Variants in TCF3 observed in about 807,000 individuals in gnomAD.
TCF3 encodes the protein transcription factor 3.
TCF3 carries 54 observed loss-of-function variants against 72.3 expected under a neutral mutation model. The observed-to-expected ratio is 0.75, with a 90% CI of 0.60 to 0.94. TCF3 has a LOEUF of 0.94. TCF3 is among the 40% of genes least tolerant of loss of function. TCF3 has a pLI of 0.00. For missense variants in TCF3, 1,078 were observed against 934.4 expected, an observed-to-expected ratio of 1.15 and a Z score of -2.00; for synonymous variants, 525 against 412.6, an observed-to-expected ratio of 1.27 and a Z score of -3.30.
chr19:1,633,682 G>C (rs2064015548), intron 3 of TCF3, among the ~76,000 whole-genome samples: 1 of 152,150 alleles, frequency 6.6e-6, no homozygotes, highest in Non-Finnish European at 1.5e-5. Context: ...ATTATGAGTG[G>C]GGGGCTGGGA....
At chr19:1,642,449 AGAG>A (rs2065475106) in intron 3 of TCF3, among the ~76,000 whole-genome samples, 1 of 152,196 alleles carries the variant, frequency 6.6e-6, no homozygotes, top group Non-Finnish European at 1.5e-5. Flanking sequence ...TGGCTAGGTG[AGAG>A]GAGAACACTC....
intron 3 of TCF3, among the ~76,000 whole-genome samples, chr19:1,636,935 G>A (rs1475908840): frequency 6.6e-6 from 1 of 152,206 alleles, no homozygotes; most frequent in African/African-American, 2.4e-5. Context: ...TGTGAGTGGA[G>A]ACCACACACC....
chr19:1,622,207 G>A lies in TCF3; in HGVS notation c.669C>T (p.Pro223=). The A allele has an allele frequency of 1.9e-6, 3 of 1,556,434 alleles. No individual in the cohort carries two copies. Among genetic ancestry groups the A allele is most frequent in the South Asian group, 1.2e-5 (1 of 84,178 alleles). ...CCGGGGGACTCCAGAGCTCGGCTGA[G>A]GGGTGCAGGCTGCCATCTGTGGAGG... ...PFYVADGSLH[P]SAELWSPPGQ... The change falls in exon 10 of 19, where the codon CCC becomes CCT. Residue 223 remains proline, a synonymous_variant. Coordinates refer to ENST00000262965, the MANE Select transcript of TCF3 (RefSeq NM_003200.5).
At chr19:1,625,358 G>A (rs1040074856) in intron 7 of TCF3, among the ~76,000 whole-genome samples, 4 of 152,232 alleles carry the variant, frequency 2.6e-5, no homozygotes, top group Admixed American at 6.5e-5. Context: ...CCAGAGGCTC[G>A]TAGGAACCTC....
chr19:1,627,433 G>A lies in TCF3; in HGVS notation c.299-7C>T, dbSNP rs973933950. On this transcript the variant is annotated splice_region_variant and splice_polypyrimidine_tract_variant and intron_variant, in intron 5 of 18. Coordinates refer to ENST00000262965, the MANE Select transcript of TCF3 (RefSeq NM_003200.5). ...CCCCGCTCACCGCTCTTGCCTGCAAGGGGAGAAGGAAGGTTAGTGGGAGGC... is the reference window on the plus strand; with the variant it reads ...CCCCGCTCACCGCTCTTGCCTGCAAAGGGAGAAGGAAGGTTAGTGGGAGGC... 6 of 1,611,670 alleles carry A rather than the reference G, an allele frequency of 3.7e-6. No homozygotes were observed. The African/African-American group carries it at 6.7e-5, about 18-fold the overall frequency.
rs995651208 is a variant in TCF3, at chr19:1,645,871, C to G, written c.145+484G>C. On this transcript the variant is annotated intron_variant, in intron 3 of 18. Transcript: ENST00000262965. ...CTGGGCAAACCACAATGGCCGGTCACCCTGGTGCTGGGCCCTGCATACAGC... is the reference window on the plus strand; with the variant it reads ...CTGGGCAAACCACAATGGCCGGTCAGCCTGGTGCTGGGCCCTGCATACAGC... 2.0e-5 allele frequency among the ~76,000 whole-genome samples: 3 copies of G among 152,174 alleles called. No individual in the cohort carries two copies. The South Asian group carries it at 6.2e-4, about 31-fold the overall frequency.
chr19:1,624,754 C>T (rs1033388975), intron 7 of TCF3, among the ~76,000 whole-genome samples: 1 of 152,250 alleles, frequency 6.6e-6, no homozygotes, highest in South Asian at 2.1e-4. Flanking sequence ...CCAGCCAAGG[C>T]GGAACAGAGG....
Position 1,622,364 on chromosome 19 carries a change from G to T in TCF3, c.601C>A (p.Pro201Thr). The stretch of plus-strand genomic sequence containing the variant: ...GTGCTGCTGGGGGTCTTGGCGGACG[G>T]GTAGGCGGTGGCATCCCTGCCGTAG... Reference protein sequence around the residue: ...EDYGRDATAYPSAKTPSSTYP... With the variant: ...EDYGRDATAYTSAKTPSSTYP... The change falls in exon 9 of 19, where the codon CCG becomes ACG. Residue 201 changes from proline to threonine, a missense_variant. Pro to Thr is a conservative substitution (Grantham distance 38). Coordinates refer to ENST00000262965, the MANE Select transcript of TCF3 (RefSeq NM_003200.5). 6.5e-7 allele frequency: 1 copy of T among 1,528,486 alleles called. No individual in the cohort carries two copies. The highest frequency in any genetic ancestry group is 8.8e-7 in the Non-Finnish European group (1 of 1,139,066). The allele number at this position is 1,528,486 out of a possible 1,614,324, so 94.7% of individuals were successfully genotyped here. A position where few individuals can be genotyped will look rare whatever the true frequency, so the allele number is the denominator to read the frequency against.
intron 3 of TCF3, among the ~76,000 whole-genome samples, chr19:1,645,024 G>A (rs544170695): frequency 3.3e-5 from 5 of 152,230 alleles, no homozygotes; most frequent in African/African-American, 4.8e-5. Flanking sequence ...AGCATATTCC[G>A]GCCAGCCCTG....
intron 3 of TCF3, among the ~76,000 whole-genome samples, chr19:1,644,108 G>A (rs528120440): frequency 3.9e-5 from 6 of 152,242 alleles, no homozygotes; most frequent in Non-Finnish European, 5.9e-5. Context: ...CTGGGTCCTC[G>A]GAGAGGAGAA....
chr19:1,633,645 G>GT (rs1281071580), intron 3 of TCF3, among the ~76,000 whole-genome samples: 1 of 152,154 alleles, frequency 6.6e-6, no homozygotes, highest in East Asian at 1.9e-4. Flanking sequence ...TTTAGATTTT[G>GT]TTTTCTAATC....
At chr19:1,616,479 A>G (rs1022358770) in intron 16 of TCF3, 1 of 152,178 alleles carries the variant, frequency 6.6e-6, no homozygotes, top group African/African-American at 2.4e-5. Flanking sequence ...GTCTCAAAAA[A>G]AAAAAAAAGA....
intron 5 of TCF3, among the ~76,000 whole-genome samples, chr19:1,629,518 G>A (rs1445797391): frequency 6.6e-6 from 1 of 151,784 alleles, no homozygotes; most frequent in Non-Finnish European, 1.5e-5. Context: ...GCTACGGAGG[G>A]GAACAGCTGG....
Position 1,645,936 on chromosome 19 carries a change from C to T in TCF3, c.145+419G>A, listed in dbSNP as rs1021195156. Among the ~76,000 whole-genome samples the T allele has an allele frequency of 1.2e-4, 19 of 152,274 alleles. No individual in the cohort carries two copies. The South Asian group carries it at 1.7e-3, about 13-fold the overall frequency. On this transcript the variant is annotated intron_variant, in intron 3 of 18. Coordinates refer to ENST00000262965, the MANE Select transcript of TCF3 (RefSeq NM_003200.5). ...TGCTTAAATGAAAGTCGTCGAGGCTCACAAGGTGGGTGGGATCCAGTGAGA... is the reference window on the plus strand; with the variant it reads ...TGCTTAAATGAAAGTCGTCGAGGCTTACAAGGTGGGTGGGATCCAGTGAGA...
At position 1,619,182 on chromosome 19, in the gene TCF3, T is replaced by A; in HGVS notation, c.1379A>T (p.His460Leu). The A allele has an allele frequency of 6.2e-7, 1 of 1,600,436 alleles. No homozygotes were observed. Among genetic ancestry groups the A allele is most frequent in the African/African-American group, 1.3e-5 (1 of 75,028 alleles). ...CTGGCTGGGGAGGGCCGCGTGGTTG[T>A]GCATGAGGCTGGTGCTGCCTGCGAG... Reference protein sequence around the residue: ...DGLAGSTSLMHNHAALPSQPG... With the variant: ...DGLAGSTSLMLNHAALPSQPG... The change falls in exon 16 of 19, where the codon CAC becomes CTC. Residue 460 changes from histidine to leucine, a missense_variant. Physicochemically the swap from His to Leu is moderately conservative, Grantham distance 99. Coordinates refer to ENST00000262965, the MANE Select transcript of TCF3 (RefSeq NM_003200.5).
At chr19:1,628,327 A>G (rs563451748) in intron 5 of TCF3, among the ~76,000 whole-genome samples, 7 of 1,516 alleles carry the variant, frequency 4.6e-3, no homozygotes, top group African/African-American at 6.0e-3. Flanking sequence ...CTCACAGGGG[A>G]TGAGGCGGGA....
At chr19:1,642,307 C>T (rs990722671) in intron 3 of TCF3, among the ~76,000 whole-genome samples, 2 of 152,006 alleles carry the variant, frequency 1.3e-5, no homozygotes, top group Non-Finnish European at 2.9e-5. Context: ...GACACACACC[C>T]GCACGCACAC....
intron 5 of TCF3, among the ~76,000 whole-genome samples, chr19:1,630,662 G>A (rs933721504): frequency 1.3e-5 from 2 of 152,130 alleles, no homozygotes; most frequent in African/African-American, 2.4e-5. Flanking sequence ...GCCTCAAACC[G>A]TCGGGTTCCA....
At position 1,609,386 on chromosome 19, in the gene TCF3, T is replaced by A; in HGVS notation, c.*2321A>T. Reference sequence around the variant, plus strand: ...AAAGAGGGTCGTTTTAAAGTCCCAATCATCCAGCCAGCTGTGTTGACACGT... The same window carrying A: ...AAAGAGGGTCGTTTTAAAGTCCCAAACATCCAGCCAGCTGTGTTGACACGT... On this transcript the variant is annotated 3_prime_UTR_variant, in exon 19 of 19. Coordinates refer to ENST00000262965, the MANE Select transcript of TCF3 (RefSeq NM_003200.5). 1 of 202,324 alleles carries A rather than the reference T, an allele frequency of 4.9e-6. No individual in the cohort carries two copies. The highest frequency in any genetic ancestry group is 1.0e-5 in the Non-Finnish European group (1 of 98,536). 12.5% of individuals were successfully genotyped at this position (202,324 alleles called of 1,614,324 possible).
Sources: gnomAD v4.1 joint callset for allele counts (sites outside exome capture counted in the v4.1 genomes callset) on GRCh38, gnomAD v4.1.1 for gene constraint, MANE v1.5 for transcripts, NCBI Gene and HGNC (gene_info 2026-07-23, HGNC 2026-07-21) for gene names.